Variants in EPC2 observed in about 807,000 individuals in gnomAD.
The protein encoded by EPC2 is enhancer of polycomb 2.
Under a neutral mutation model 92.1 loss-of-function variants are expected in EPC2, and 14 were observed. The ratio of observed to expected loss-of-function variants is 0.15; its 90% CI spans 0.10 to 0.24. The LOEUF (loss-of-function observed/expected upper bound fraction) is 0.24. Among genes scored for constraint, EPC2 ranks in the 10% least tolerant of loss-of-function variants. The pLI, the probability that EPC2 is intolerant of heterozygous loss-of-function variation, is 1.00. For missense variants in EPC2, 755 were observed against 971.5 expected (o/e 0.78, Z 2.96); for synonymous variants, 340 against 334.7 (o/e 1.02, Z -0.17).
intron 7 of EPC2, among the ~76,000 whole-genome samples, chr2:148,767,894 C>T (rs548989704): frequency 2.6e-5 from 4 of 152,212 alleles, no homozygotes; most frequent in Admixed American, 2.0e-4. Context: ...AGAATAGGTA[C>T]GTTATTTGCA....
intron 2 of EPC2, among the ~76,000 whole-genome samples, chr2:148,736,915 C>T (rs1044588009): frequency 2.0e-5 from 3 of 149,050 alleles, no homozygotes; most frequent in African/African-American, 7.4e-5. Context: ...GCCTGGGGAA[C>T]ATGGTGAAAC....
intron 2 of EPC2, among the ~76,000 whole-genome samples, chr2:148,732,556 T>C (rs1291615531): frequency 6.6e-6 from 1 of 151,978 alleles, no homozygotes; most frequent in Non-Finnish European, 1.5e-5. Flanking sequence ...AATTTTTGTA[T>C]TTTTTGTAAA....
chr2:148,769,124 T>G, intron 7 of EPC2, 27 bp from the exon 8 acceptor site: 1 of 1,512,318 alleles, frequency 6.6e-7, no homozygotes, highest in South Asian at 1.2e-5. Context: ...TTTGATAACT[T>G]CTAAATGGAA....
In EPC2 at chr2:148,663,346, G is replaced by A. The variant is rs6730047; in HGVS notation, c.153+18176G>A. On this transcript the variant is annotated intron_variant, in intron 1 of 13. Coordinates refer to ENST00000258484, the MANE Select transcript of EPC2 (RefSeq NM_015630.4). ...CTATTCTCCTGCCTCAGCCTCCCGA[G>A]TAGCTGGGACCATAGGTGCCTGCCA... Among the ~76,000 whole-genome samples, 1,487 of 150,862 alleles carry A rather than the reference G, an allele frequency of 9.9e-3. 26 individuals carry two copies. The highest frequency in any genetic ancestry group is 0.081 in the East Asian group (414 of 5,140).
chr2:148,755,545 GTACTT>G (rs755839906), intron 4 of EPC2, among the ~76,000 whole-genome samples: 1 of 151,998 alleles, frequency 6.6e-6, no homozygotes, highest in Non-Finnish European at 1.5e-5. Flanking sequence ...TTATAATACT[GTACTT>G]TTACTGTACC....
intron 2 of EPC2, among the ~76,000 whole-genome samples, chr2:148,696,241 A>G (rs1163250271): frequency 1.3e-5 from 2 of 152,198 alleles, no homozygotes; most frequent in Non-Finnish European, 2.9e-5. Flanking sequence ...TTGAGTCCAG[A>G]AGTTGAAAAC....
At chr2:148,725,491 C>G (rs1682475764) in intron 2 of EPC2, among the ~76,000 whole-genome samples, 1 of 152,014 alleles carries the variant, frequency 6.6e-6, no homozygotes, top group African/African-American at 2.4e-5. Flanking sequence ...TTTTAAAACA[C>G]AGACATTCTT....
chr2:148,689,770 C>T (rs1271365782), intron 1 of EPC2, among the ~76,000 whole-genome samples: 3 of 152,056 alleles, frequency 2.0e-5, no homozygotes, highest in Non-Finnish European at 4.4e-5. Context: ...ATAATTTTAT[C>T]TTTCTTTGAA....
chr2:148,774,495 C>A (rs1211845200), intron 10 of EPC2, among the ~76,000 whole-genome samples: 51 of 151,752 alleles, frequency 3.4e-4, no homozygotes, highest in Non-Finnish European at 5.9e-5. Context: ...GGTGTGGTGG[C>A]ACGTGCCTGT....
intron 7 of EPC2, among the ~76,000 whole-genome samples, chr2:148,768,374 C>T (rs1184415221): frequency 2.0e-5 from 3 of 152,112 alleles, no homozygotes; most frequent in East Asian, 1.9e-4. Context: ...ATTTATAAAG[C>T]GTGCTCTAAT....
chr2:148,780,546 A>G (rs1288734469), intron 10 of EPC2, among the ~76,000 whole-genome samples: 1 of 152,122 alleles, frequency 6.6e-6, no homozygotes, highest in Non-Finnish European at 1.5e-5. Context: ...TTGCATGTAA[A>G]TGTTGATTCA....
intron 1 of EPC2, among the ~76,000 whole-genome samples, chr2:148,685,202 C>T (rs1407811001): frequency 6.6e-6 from 1 of 151,560 alleles, no homozygotes; most frequent in Non-Finnish European, 1.5e-5. Flanking sequence ...TCCGTGGTGT[C>T]CTTTATTGAA....
At chr2:148,751,212 T>C (rs1683077652) in intron 3 of EPC2, among the ~76,000 whole-genome samples, 1 of 152,152 alleles carries the variant, frequency 6.6e-6, no homozygotes, top group African/African-American at 2.4e-5. Flanking sequence ...TTTTATAAAT[T>C]AGAATACATT....
chr2:148,778,387 A>G (rs543271658), intron 10 of EPC2, among the ~76,000 whole-genome samples: 1 of 152,236 alleles, frequency 6.6e-6, no homozygotes, highest in Admixed American at 6.5e-5. Flanking sequence ...CTCTATAACT[A>G]TTACCTCTTC....
intron 2 of EPC2, among the ~76,000 whole-genome samples, chr2:148,730,325 A>G (rs1682591480): frequency 6.6e-6 from 1 of 152,238 alleles, no homozygotes; most frequent in African/African-American, 2.4e-5. Flanking sequence ...ACTTTTAGAT[A>G]CATTTGCTTT....
intron 6 of EPC2, among the ~76,000 whole-genome samples, chr2:148,763,176 G>A (rs1387253587): frequency 6.6e-6 from 1 of 152,074 alleles, no homozygotes; most frequent in Non-Finnish European, 1.5e-5. Context: ...TGTAATGGAA[G>A]GAATCAACAC....
At chr2:148,765,232 T>G in intron 7 of EPC2, 86 bp downstream of exon 7, 1 of 985,708 alleles carries the variant, frequency 1.0e-6, no homozygotes, top group Non-Finnish European at 1.4e-6. Context: ...CTTAGAGTTT[T>G]TATTCTTGCT....
intron 2 of EPC2, among the ~76,000 whole-genome samples, chr2:148,727,579 T>G (rs1256824151): frequency 6.6e-6 from 1 of 152,220 alleles, no homozygotes; most frequent in African/African-American, 2.4e-5. Flanking sequence ...TTTCTTTTTT[T>G]GTATATATAA....
intron 5 of EPC2, chr2:148,762,155 T>C: frequency 3.6e-6 from 1 of 276,090 alleles, no homozygotes; most frequent in South Asian, 8.4e-5. Flanking sequence ...GTAGATCCTA[T>C]ACTTAATTTT....
Sources: allele counts gnomAD v4.1 joint callset (sites outside exome capture counted in the v4.1 genomes callset), GRCh38; gene constraint gnomAD v4.1.1; transcripts MANE v1.5; gene names NCBI Gene and HGNC (gene_info 2026-07-23, HGNC 2026-07-21).